The following HMGB1 variants were observed in gnomAD, a reference collection of about 807,000 sequenced individuals.
HMGB1 encodes high mobility group box 1.
For missense variants in HMGB1, 79 were observed against 253.5 expected (o/e 0.31, Z 4.67); for synonymous variants, 81 against 84.0 (o/e 0.96, Z 0.19).
intron 1 of HMGB1, among the ~76,000 whole-genome samples, chr13:30,594,742 C>A (rs1185684877): frequency 2.0e-5 from 3 of 152,172 alleles, no homozygotes; most frequent in Non-Finnish European, 4.4e-5. Context: ...TGGGTATATA[C>A]CCAGTAATGG....
intron 1 of HMGB1, among the ~76,000 whole-genome samples, chr13:30,521,567 GAAT>G (rs1315566827): frequency 1.3e-5 from 2 of 152,042 alleles, no homozygotes; most frequent in Non-Finnish European, 2.9e-5. Context: ...TTTTATTGTT[GAAT>G]AATATCAGTT....
intron 1 of HMGB1, among the ~76,000 whole-genome samples, chr13:30,528,403 TA>T (rs1377501531): frequency 1.3e-5 from 2 of 152,100 alleles, no homozygotes; most frequent in African/African-American, 4.8e-5. Context: ...GAAAGATCAC[TA>T]CTGTGGTGGG....
intron 1 of HMGB1, among the ~76,000 whole-genome samples, chr13:30,482,768 G>A (rs1887261737): frequency 6.9e-6 from 1 of 145,842 alleles, no homozygotes; most frequent in Non-Finnish European, 1.5e-5. Flanking sequence ...TAAAAAGTGA[G>A]GTCTTTACCA....
chr13:30,470,714 T>C (rs951223789), upstream of HMGB1, among the ~76,000 whole-genome samples: 20 of 152,262 alleles, frequency 1.3e-4, no homozygotes, highest in Non-Finnish European at 2.9e-5. Flanking sequence ...GGTGGCGCGA[T>C]CTTGGCTCAC....
rs756430698 is a variant in HMGB1, at chr13:30,459,869, T to C, written c.*1488A>G. 4 of 152,610 alleles carry C rather than the reference T, an allele frequency of 2.6e-5. No homozygotes were observed. The highest frequency in any genetic ancestry group is 5.9e-5 in the Non-Finnish European group (4 of 68,002). The allele number at this position is 152,610 out of a possible 1,614,324, so 9.5% of individuals were successfully genotyped here. ...CTAGTATTTAAAACCTCTGCAATTA[T>C]TAGTTTATTAGTATCATCCAGGACT... is the stretch of plus-strand genomic sequence containing the variant. On this transcript the variant is annotated 3_prime_UTR_variant, in exon 5 of 5. Coordinates refer to ENST00000341423, the MANE Select transcript of HMGB1 (RefSeq NM_002128.7).
intron 1 of HMGB1, among the ~76,000 whole-genome samples, chr13:30,519,944 CTT>C (rs1331056992): frequency 6.6e-6 from 1 of 152,152 alleles, no homozygotes; most frequent in East Asian, 1.9e-4. Context: ...CTCTTTTAGA[CTT>C]AGATTTTTAA....
intron 1 of HMGB1, chr13:30,465,058 GAAA>G: frequency 1.5e-6 from 1 of 668,974 alleles, no homozygotes; most frequent in Non-Finnish European, 1.8e-6. Context: ...AAAGAGAGAG[GAAA>G]AAAAAAGTTG....
chr13:30,538,497 T>TCTTTTTCTTTCTTTC (rs1868587263), intron 1 of HMGB1, among the ~76,000 whole-genome samples: 4 of 46,880 alleles, frequency 8.5e-5, no homozygotes, highest in Admixed American at 7.6e-4. Flanking sequence ...TTTCTTTCTT[T>TCTTTTTCTTTCTTTC]CTTTCTTTCT....
At chr13:30,600,285 TTAAAA>T (rs1267920649) in intron 1 of HMGB1, among the ~76,000 whole-genome samples, 1 of 152,254 alleles carries the variant, frequency 6.6e-6, no homozygotes, top group Non-Finnish European at 1.5e-5. Flanking sequence ...GATCACAGTC[TTAAAA>T]TAAATTCCAT....
chr13:30,590,788 C>T (rs897681638), intron 1 of HMGB1, among the ~76,000 whole-genome samples: 6 of 152,166 alleles, frequency 3.9e-5, no homozygotes, highest in African/African-American at 1.4e-4. Context: ...GCCTCTTTGA[C>T]CCTTCCACCA....
intron 1 of HMGB1, among the ~76,000 whole-genome samples, chr13:30,535,815 A>G (rs1400255062): frequency 6.6e-6 from 1 of 152,210 alleles, no homozygotes; most frequent in Non-Finnish European, 1.5e-5. Flanking sequence ...ACTTGAACCC[A>G]GGAGGCAGAG....
At chr13:30,547,302 C>T (rs1869207045) in intron 1 of HMGB1, among the ~76,000 whole-genome samples, 1 of 152,100 alleles carries the variant, frequency 6.6e-6, no homozygotes, top group Admixed American at 6.5e-5. Flanking sequence ...CTCACTTTAC[C>T]CTCCCATTTC....
chr13:30,593,449 G>A (rs1045720095), intron 1 of HMGB1, among the ~76,000 whole-genome samples: 2 of 152,168 alleles, frequency 1.3e-5, no homozygotes, highest in African/African-American at 4.8e-5. Context: ...GGCTTTTGGG[G>A]AGCCCGAGTT....
intron 1 of HMGB1, among the ~76,000 whole-genome samples, chr13:30,604,083 G>C (rs907366072): frequency 2.0e-5 from 3 of 151,646 alleles, no homozygotes; most frequent in African/African-American, 7.3e-5. Flanking sequence ...AGGGGAAGAG[G>C]CTGCATCCAT....
intron 1 of HMGB1, among the ~76,000 whole-genome samples, chr13:30,606,743 T>A (rs751754235): frequency 6.6e-6 from 1 of 152,234 alleles, no homozygotes; most frequent in African/African-American, 2.4e-5. Flanking sequence ...CATCTGTAAG[T>A]ACTTAAAGCA....
chr13:30,538,506 C>CT (rs371125141), intron 1 of HMGB1, among the ~76,000 whole-genome samples: 1 of 109,898 alleles, frequency 9.1e-6, no homozygotes, highest in African/African-American at 4.8e-5. Flanking sequence ...TTCTTTCTTT[C>CT]TTTCCTTTCT....
At chr13:30,548,677 C>A (rs1348850332) in intron 1 of HMGB1, among the ~76,000 whole-genome samples, 1 of 152,148 alleles carries the variant, frequency 6.6e-6, no homozygotes, top group Non-Finnish European at 1.5e-5. Context: ...CCTCTTAATG[C>A]TTCCACTAAT....
chr13:30,585,801 T>C (rs1302665185), intron 1 of HMGB1, among the ~76,000 whole-genome samples: 1 of 152,236 alleles, frequency 6.6e-6, no homozygotes, highest in Non-Finnish European at 1.5e-5. Context: ...AATACACGTA[T>C]GTAAACAGGC....
At chr13:30,477,171 G>A (rs1292199792) in intron 1 of HMGB1, among the ~76,000 whole-genome samples, 1 of 152,138 alleles carries the variant, frequency 6.6e-6, no homozygotes. Flanking sequence ...GAAATGCACA[G>A]TTCACATTCT....
Sources: gnomAD v4.1 joint callset for allele counts (sites outside exome capture counted in the v4.1 genomes callset) on GRCh38, gnomAD v4.1.1 for gene constraint, MANE v1.5 for transcripts, NCBI Gene and HGNC (gene_info 2026-07-23, HGNC 2026-07-21) for gene names.